MED12L: variants seen among roughly 807,000 people sequenced by gnomAD.
MED12L encodes the protein mediator of RNA polymerase II transcription subunit 12-like protein.
A neutral mutation model predicts 281.3 loss-of-function variants in MED12L; 60 were observed. The ratio of observed to expected loss-of-function variants is 0.21; its 90% CI spans 0.17 to 0.26. MED12L has a LOEUF of 0.26. Ranked by LOEUF, MED12L falls within the 10% of genes least tolerant of loss-of-function variation. The pLI is 1.00. For synonymous variants in MED12L, 974 were observed against 987.2 expected (o/e 0.99, Z 0.25); for missense variants, 2,146 against 2,680.9 (o/e 0.80, Z 4.41).
chr3:151,404,403 G>C (rs1459452485), intron 39 of MED12L, among the ~76,000 whole-genome samples: 1 of 152,178 alleles, frequency 6.6e-6, no homozygotes, highest in Non-Finnish European at 1.5e-5. Flanking sequence ...AGTCGTATTT[G>C]AGGTGAAAAC....
intron 39 of MED12L, among the ~76,000 whole-genome samples, chr3:151,407,275 T>C (rs922168263): frequency 2.0e-5 from 3 of 152,368 alleles, no homozygotes; most frequent in East Asian, 1.9e-4. Flanking sequence ...TTAGAAAACA[T>C]CTGCTTTATG....
chr3:151,383,397 T>C (rs1712754040), intron 33 of MED12L, among the ~76,000 whole-genome samples: 1 of 152,250 alleles, frequency 6.6e-6, no homozygotes, highest in Admixed American at 6.5e-5. Flanking sequence ...GATTCAATAG[T>C]AATTGTACAG....
chr3:151,279,615 T>C (rs1742486031), intron 16 of MED12L, among the ~76,000 whole-genome samples: 1 of 152,138 alleles, frequency 6.6e-6, no homozygotes, highest in Non-Finnish European at 1.5e-5. Context: ...ATGCTTTGAT[T>C]GAGGGGCTAA....
At chr3:151,114,326 G>A (rs929802265) in intron 2 of MED12L, among the ~76,000 whole-genome samples, 20 of 152,208 alleles carry the variant, frequency 1.3e-4, no homozygotes, top group Admixed American at 9.8e-4. Flanking sequence ...GGGGTCTTTT[G>A]AAAACCCGCC....
At chr3:151,177,653 CTT>C (rs199986322) in intron 11 of MED12L, among the ~76,000 whole-genome samples, 4 of 145,454 alleles carry the variant, frequency 2.8e-5, no homozygotes, top group African/African-American at 1.0e-4. Context: ...CCATGCCTGG[CTT>C]TTTTTTTTTT....
chr3:151,421,558 G>C (rs1240360759), intron 43 of MED12L, among the ~76,000 whole-genome samples: 2 of 151,920 alleles, frequency 1.3e-5, no homozygotes, highest in Non-Finnish European at 2.9e-5. Context: ...TTACAGGCAC[G>C]CACCATCACA....
At chr3:151,136,691 G>A (rs1320985306) in intron 5 of MED12L, among the ~76,000 whole-genome samples, 1 of 152,122 alleles carries the variant, frequency 6.6e-6, no homozygotes, top group Non-Finnish European at 1.5e-5. Context: ...ATTTCTTTGG[G>A]AATGGCAAGA....
intron 16 of MED12L, among the ~76,000 whole-genome samples, chr3:151,310,730 T>G (rs913019786): frequency 1.3e-5 from 2 of 152,248 alleles, no homozygotes; most frequent in African/African-American, 4.8e-5. Flanking sequence ...TAAGTTCATT[T>G]GAATTAATTT....
intron 16 of MED12L, among the ~76,000 whole-genome samples, chr3:151,233,381 T>C (rs888124760): frequency 6.6e-6 from 1 of 152,214 alleles, no homozygotes; most frequent in Non-Finnish European, 1.5e-5. Context: ...TTCTTTTCAA[T>C]GGAATGTTTG....
intron 16 of MED12L, among the ~76,000 whole-genome samples, chr3:151,214,875 A>AT (rs1727887938): frequency 1.3e-5 from 2 of 152,270 alleles, no homozygotes; most frequent in East Asian, 1.9e-4. Context: ...TGTGTAATGT[A>AT]TTTTTTTAAA....
chr3:151,332,998 TTG>T (rs1188854457), intron 16 of MED12L, among the ~76,000 whole-genome samples: 2 of 152,206 alleles, frequency 1.3e-5, no homozygotes, highest in Non-Finnish European at 2.9e-5. Context: ...CATCTGGTGT[TTG>T]GTTTCCTGTT....
At chr3:151,246,239 A>G (rs1364237219) in intron 16 of MED12L, among the ~76,000 whole-genome samples, 1 of 152,220 alleles carries the variant, frequency 6.6e-6, no homozygotes, top group Non-Finnish European at 1.5e-5. Context: ...CAAGCTACCA[A>G]TGCCTTTCTT....
chr3:151,294,205 C>T (rs752043357), intron 16 of MED12L: 36 of 1,610,890 alleles, frequency 2.2e-5, no homozygotes, highest in African/African-American at 1.1e-4. Context: ...TGCGAACTTC[C>T]GATCTTCTCA....
chr3:151,142,802 A>G (rs916758131), intron 5 of MED12L, among the ~76,000 whole-genome samples: 1 of 151,962 alleles, frequency 6.6e-6, no homozygotes, highest in Non-Finnish European at 1.5e-5. Context: ...TGTTAATTCC[A>G]TGATAAATAG....
At chr3:151,243,065 A>G (rs931975036) in intron 16 of MED12L, among the ~76,000 whole-genome samples, 20 of 150,970 alleles carry the variant, frequency 1.3e-4, no homozygotes, top group African/African-American at 4.9e-4. Context: ...AAGTTTAGAG[A>G]AAAAAGAATA....
At chr3:151,114,617 T>C (rs1159965761) in intron 2 of MED12L, among the ~76,000 whole-genome samples, 1 of 152,218 alleles carries the variant, frequency 6.6e-6, no homozygotes, top group Admixed American at 6.5e-5. Context: ...TTACTAGGAT[T>C]ATTTCTTGGC....
chr3:151,106,063 T>A (rs1276182230), intron 2 of MED12L, among the ~76,000 whole-genome samples: 6 of 152,110 alleles, frequency 3.9e-5, no homozygotes, highest in African/African-American at 1.4e-4. Flanking sequence ...TGGTCCAAGC[T>A]ACTATTATGT....
At chr3:151,427,159 T>G (rs1167265520) in intron 43 of MED12L, among the ~76,000 whole-genome samples, 6 of 152,192 alleles carry the variant, frequency 3.9e-5, no homozygotes, top group African/African-American at 7.2e-5. Flanking sequence ...TCTGGTTTAA[T>G]AGAGAACATT....
chr3:151,201,860 T>A (rs1239458251), intron 16 of MED12L, among the ~76,000 whole-genome samples: 1 of 152,230 alleles, frequency 6.6e-6, no homozygotes, highest in Non-Finnish European at 1.5e-5. Flanking sequence ...CTTACGCACT[T>A]CTATTTCAAA....
Sources: gnomAD v4.1 joint callset for allele counts (sites outside exome capture counted in the v4.1 genomes callset) on GRCh38, gnomAD v4.1.1 for gene constraint, MANE v1.5 for transcripts, NCBI Gene and HGNC (gene_info 2026-07-23, HGNC 2026-07-21) for gene names.